The following SOX5 variants were observed in gnomAD, a reference collection of about 807,000 sequenced individuals.
The protein encoded by SOX5 is SRY-box transcription factor 5.
A neutral mutation model predicts 92.0 loss-of-function variants in SOX5; 9 were observed. The observed-to-expected ratio is 0.10, with a 90% CI of 0.06 to 0.17. The LOEUF (loss-of-function observed/expected upper bound fraction) is 0.17. Among genes scored for constraint, SOX5 ranks in the 10% least tolerant of loss-of-function variants. SOX5 has a pLI of 1.00. For missense variants in SOX5, 642 were observed against 944.5 expected, an observed-to-expected ratio of 0.68 and a Z score of 4.20; for synonymous variants, 344 against 336.3, an observed-to-expected ratio of 1.02 and a Z score of -0.25.
chr12:24,452,912 A>C (rs1307720258), intron 1 of SOX5, among the ~76,000 whole-genome samples: 5 of 152,204 alleles, frequency 3.3e-5, no homozygotes, highest in Non-Finnish European at 5.9e-5. Flanking sequence ...AAGGTCATGA[A>C]AGTTAGCAAA....
Position 24,467,073 on chromosome 12 carries a change from T to C in SOX5, c.-251+95256A>G, listed in dbSNP as rs372219904. On this transcript the variant is annotated intron_variant, in intron 1 of 4. Coordinates refer to the SOX5 transcript ENST00000446891. Reference sequence around the variant, plus strand: ...TCTTTATCTGTCTCCTCAGCAAAGATAAAGAGCTGGCCTTCACTCTCTACT... The same window carrying C: ...TCTTTATCTGTCTCCTCAGCAAAGACAAAGAGCTGGCCTTCACTCTCTACT... 5.3e-5 allele frequency among the ~76,000 whole-genome samples: 8 copies of C among 152,334 alleles called. No homozygotes were observed. The East Asian group carries it at 1.5e-3, about 29-fold the overall frequency.
At chr12:23,919,507 C>T (rs2097457681) in intron 1 of SOX5, among the ~76,000 whole-genome samples, 1 of 152,180 alleles carries the variant, frequency 6.6e-6, no homozygotes, top group South Asian at 2.1e-4. Flanking sequence ...GCAGCTAATA[C>T]TTATATAGCA....
intron 12 of SOX5, among the ~76,000 whole-genome samples, chr12:23,543,711 T>A (rs983160997): frequency 2.6e-5 from 4 of 152,214 alleles, no homozygotes; most frequent in Non-Finnish European, 5.9e-5. Flanking sequence ...TCAGATTAAA[T>A]CAACAGGCAT....
intron 4 of SOX5, among the ~76,000 whole-genome samples, chr12:23,741,523 A>G (rs567127364): frequency 6.6e-6 from 1 of 152,296 alleles, no homozygotes; most frequent in African/African-American, 2.4e-5. Flanking sequence ...ACAAAAAACT[A>G]ATAGCCAGAG....
chr12:24,431,842 G>A (rs1235139462), intron 1 of SOX5, among the ~76,000 whole-genome samples: 1 of 152,144 alleles, frequency 6.6e-6, no homozygotes, highest in Non-Finnish European at 1.5e-5. Flanking sequence ...GGTAGTTGAC[G>A]ATGCATTTCT....
intron 6 of SOX5, among the ~76,000 whole-genome samples, chr12:23,699,176 T>C (rs888960184): frequency 6.6e-6 from 1 of 152,226 alleles, no homozygotes; most frequent in Admixed American, 6.5e-5. Context: ...TGCAAATATA[T>C]TTACCTGCCT....
intron 1 of SOX5, among the ~76,000 whole-genome samples, chr12:23,901,596 C>T (rs901951679): frequency 6.6e-6 from 1 of 152,182 alleles, no homozygotes; most frequent in African/African-American, 2.4e-5. Flanking sequence ...TTGTCCTAAA[C>T]CTGCACTCCA....
At chr12:24,101,660 C>T (rs985764776) in intron 4 of SOX5, among the ~76,000 whole-genome samples, 9 of 152,122 alleles carry the variant, frequency 5.9e-5, no homozygotes, top group Non-Finnish European at 1.3e-4. Flanking sequence ...AGAAATACCT[C>T]TGTCATTCAA....
chr12:23,747,983 C>T (rs1463277709), intron 4 of SOX5, among the ~76,000 whole-genome samples: 2 of 141,184 alleles, frequency 1.4e-5, no homozygotes, highest in Admixed American at 7.1e-5. Flanking sequence ...AAAACGAATA[C>T]AATCAAATCT....
chr12:24,209,472 T>A (rs959812044), intron 4 of SOX5, among the ~76,000 whole-genome samples: 30 of 152,294 alleles, frequency 2.0e-4, no homozygotes, highest in African/African-American at 7.2e-4. Context: ...TAAGCAGGTA[T>A]GTATGTATGT....
chr12:24,529,960 C>A lies in SOX5; in HGVS notation c.-251+32369G>T, dbSNP rs1227993621. ...GCGTGAACCCGGGAGGCAGAGCTTGCAGTGAGCTGAGATCACGCCACTGCA... is the reference window on the plus strand; with the variant it reads ...GCGTGAACCCGGGAGGCAGAGCTTGAAGTGAGCTGAGATCACGCCACTGCA... On this transcript the variant is annotated intron_variant, in intron 1 of 4. Coordinates refer to the SOX5 transcript ENST00000446891. Among the ~76,000 whole-genome samples the A allele has an allele frequency of 1.2e-4, 17 of 138,726 alleles. No homozygotes were observed. In the Admixed American group the frequency reaches 1.4e-3, roughly 11 times the overall value. 91.0% of individuals were successfully genotyped at this position (138,726 alleles called of 152,430 possible).
chr12:24,099,829 G>A (rs1208857437), intron 4 of SOX5, among the ~76,000 whole-genome samples: 2 of 152,088 alleles, frequency 1.3e-5, no homozygotes, highest in African/African-American at 4.8e-5. Context: ...ATCAACAAAT[G>A]GTGCTGATGG....
At chr12:23,790,548 T>TCTCACACA (rs1340837266) in intron 3 of SOX5, among the ~76,000 whole-genome samples, 1,400 of 137,330 alleles carry the variant, frequency 0.01, 32 homozygotes, top group African/African-American at 0.037. Flanking sequence ...TCTCAATCTC[T>TCTCACACA]CACACACACA....
At chr12:23,900,448 T>C (rs1342241107) in intron 1 of SOX5, among the ~76,000 whole-genome samples, 1 of 152,046 alleles carries the variant, frequency 6.6e-6, no homozygotes, top group Non-Finnish European at 1.5e-5. Context: ...GCAAACTTAG[T>C]GGTAGGGTAG....
chr12:24,040,659 T>G (rs1458916836), intron 4 of SOX5, among the ~76,000 whole-genome samples: 1 of 152,044 alleles, frequency 6.6e-6, no homozygotes, highest in African/African-American at 2.4e-5. Flanking sequence ...GATCACGAGG[T>G]CAGGAGATGG....
intron 3 of SOX5, among the ~76,000 whole-genome samples, chr12:24,267,148 C>A (rs1171696313): frequency 6.6e-6 from 1 of 152,070 alleles, no homozygotes; most frequent in African/African-American, 2.4e-5. Context: ...AACACTTGAG[C>A]CCAGGAGATC....
intron 1 of SOX5, among the ~76,000 whole-genome samples, chr12:23,908,813 C>T (rs140359399): frequency 4.1e-4 from 62 of 152,212 alleles, no homozygotes; most frequent in African/African-American, 1.4e-3. Context: ...TCTTCATTGG[C>T]TCCTTTCATG....
At chr12:24,100,137 T>C (rs1569542227) in intron 4 of SOX5, among the ~76,000 whole-genome samples, 1 of 152,154 alleles carries the variant, frequency 6.6e-6, no homozygotes. Context: ...CCCTTCTTAC[T>C]GGATCATGGA....
chr12:23,681,415 A>T (rs951760782), intron 6 of SOX5, among the ~76,000 whole-genome samples: 1 of 151,954 alleles, frequency 6.6e-6, no homozygotes, highest in African/African-American at 2.4e-5. Context: ...TAATTACAAT[A>T]AATATAAGTG....
Sources: gnomAD v4.1 joint callset for allele counts (sites outside exome capture counted in the v4.1 genomes callset) on GRCh38, gnomAD v4.1.1 for gene constraint, MANE v1.5 for transcripts, NCBI Gene and HGNC (gene_info 2026-07-23, HGNC 2026-07-21) for gene names.